The following PRKAR1B variants were observed in gnomAD, a reference collection of about 807,000 sequenced individuals.
PRKAR1B encodes the protein protein kinase cAMP-dependent type I regulatory subunit beta, also known as cAMP-dependent protein kinase type I-beta regulatory subunit.
PRKAR1B carries 22 observed loss-of-function variants against 46.5 expected under a neutral mutation model. The ratio of observed to expected loss-of-function variants is 0.47; its 90% CI spans 0.34 to 0.68. The LOEUF is 0.68. Ranked by LOEUF, PRKAR1B falls within the 30% of genes least tolerant of loss-of-function variation. The probability of loss-of-function intolerance (pLI) is 0.01; values close to 1 mark genes in which losing one functional copy is unlikely to be tolerated. For synonymous variants in PRKAR1B, 259 were observed against 217.7 expected, an observed-to-expected ratio of 1.19 and a Z score of -1.67; for missense variants, 445 against 535.6, an observed-to-expected ratio of 0.83 and a Z score of 1.67.
chr7:583,788 A>C (rs574415553), intron 8 of PRKAR1B, among the ~76,000 whole-genome samples: 1 of 141,156 alleles, frequency 7.1e-6, no homozygotes, highest in South Asian at 2.2e-4. Context: ...GTGTACACCC[A>C]TGTGCACTCA....
intron 4 of PRKAR1B, among the ~76,000 whole-genome samples, chr7:670,608 G>A (rs1228484765): frequency 6.6e-6 from 1 of 151,016 alleles, no homozygotes; most frequent in East Asian, 2.0e-4. Context: ...GCATCCAGCA[G>A]AGGGGCTCAG....
At chr7:580,044 C>A (rs1780081881) in intron 8 of PRKAR1B, among the ~76,000 whole-genome samples, 1 of 152,096 alleles carries the variant, frequency 6.6e-6, no homozygotes, top group Non-Finnish European at 1.5e-5. Flanking sequence ...CCAGCCTGGG[C>A]AACACAGTGA....
At chr7:635,410 G>C (rs1179624179) in intron 4 of PRKAR1B, among the ~76,000 whole-genome samples, 2 of 152,202 alleles carry the variant, frequency 1.3e-5, no homozygotes, top group East Asian at 3.8e-4. Flanking sequence ...GCAGGCCTGG[G>C]CCACAGAGCC....
intron 8 of PRKAR1B, among the ~76,000 whole-genome samples, chr7:584,164 G>C (rs1400137315): frequency 2.0e-5 from 3 of 151,924 alleles, no homozygotes; most frequent in Non-Finnish European, 4.4e-5. Flanking sequence ...GCCAACACTG[G>C]CTTTCAGCTC....
chr7:715,966 T>C (rs6950555), intron 1 of PRKAR1B, among the ~76,000 whole-genome samples: 3,748 of 151,734 alleles, frequency 0.025, 62 homozygotes, highest in Middle Eastern at 0.038. Context: ...CCGCCCGCCT[T>C]GGCCTCCCAA....
At chr7:563,445 G>A (rs965740141) in intron 9 of PRKAR1B, among the ~76,000 whole-genome samples, 10 of 152,264 alleles carry the variant, frequency 6.6e-5, no homozygotes, top group African/African-American at 2.4e-4. Context: ...GCGTCCAACA[G>A]CCCCCCGGCT....
chr7:681,864 T>G (rs1778703738), intron 2 of PRKAR1B, among the ~76,000 whole-genome samples: 1 of 152,184 alleles, frequency 6.6e-6, no homozygotes, highest in Admixed American at 6.5e-5. Context: ...CTCCTGCACC[T>G]GGAGGACCTG....
chr7:718,487 G>A (rs906597475), intron 1 of PRKAR1B, among the ~76,000 whole-genome samples: 5 of 151,510 alleles, frequency 3.3e-5, no homozygotes, highest in Non-Finnish European at 1.5e-5. Context: ...CTCCCAAGTA[G>A]CTGGGATTAC....
intron 4 of PRKAR1B, among the ~76,000 whole-genome samples, chr7:622,110 G>T (rs1015631214): frequency 5.9e-5 from 9 of 152,250 alleles, no homozygotes; most frequent in African/African-American, 1.9e-4. Flanking sequence ...GGCCTGACAG[G>T]TAAACACCTC....
chr7:689,298 T>G (rs1271279194), intron 2 of PRKAR1B, among the ~76,000 whole-genome samples: 1 of 151,750 alleles, frequency 6.6e-6, no homozygotes, highest in Non-Finnish European at 1.5e-5. Flanking sequence ...ATTTTTTGTA[T>G]TTTTAGTAGA....
At chr7:719,335 C>A (rs917530106) in intron 1 of PRKAR1B, among the ~76,000 whole-genome samples, 1 of 152,040 alleles carries the variant, frequency 6.6e-6, no homozygotes, top group Non-Finnish European at 1.5e-5. Flanking sequence ...CCATTGTGCC[C>A]GGCCATAATT....
chr7:669,893 T>C (rs1583392477), intron 4 of PRKAR1B, among the ~76,000 whole-genome samples: 1 of 129,352 alleles, frequency 7.7e-6, no homozygotes, highest in African/African-American at 3.1e-5. Flanking sequence ...TGAGACGGAG[T>C]CTTGCTCTGT....
intron 1 of PRKAR1B, among the ~76,000 whole-genome samples, chr7:724,717 G>A (rs913583018): frequency 3.9e-5 from 6 of 152,244 alleles, no homozygotes; most frequent in East Asian, 1.9e-4. Flanking sequence ...GGACCACCAC[G>A]GTTAAACACA....
intron 4 of PRKAR1B, among the ~76,000 whole-genome samples, chr7:616,970 C>G (rs530914346): frequency 6.8e-6 from 1 of 147,238 alleles, no homozygotes; most frequent in Admixed American, 6.8e-5. Flanking sequence ...ATTTTAAAAT[C>G]TAAACCCCAA....
In PRKAR1B at chr7:667,093, T is replaced by C. The variant is rs1007887925; in HGVS notation, c.440+10136A>G. ...GTGATGGTGGGGATGGTGATGATGA[T>C]GGTGGTGATAACGATGATGATGGCA... On this transcript the variant is annotated intron_variant, in intron 4 of 10. Coordinates refer to ENST00000537384, the MANE Select transcript of PRKAR1B (RefSeq NM_001164760.2). This position sits in a 1 kb window ranked among gnomAD's most constrained non-coding sequence, Gnocchi z 4.3. Among the ~76,000 whole-genome samples the C allele has an allele frequency of 3.3e-5, 5 of 151,894 alleles. No homozygotes were observed. Among genetic ancestry groups the C allele is most frequent in the African/African-American group, 4.8e-5 (2 of 41,276 alleles).
intron 3 of PRKAR1B, among the ~76,000 whole-genome samples, chr7:679,316 G>A (rs945455025): frequency 2.0e-5 from 3 of 152,140 alleles, no homozygotes; most frequent in Admixed American, 6.5e-5. Context: ...CCAGGACCCC[G>A]TCCTGTCTCC....
intron 4 of PRKAR1B, among the ~76,000 whole-genome samples, chr7:668,600 CCT>C (rs1244922092): frequency 3.3e-5 from 5 of 152,182 alleles, no homozygotes; most frequent in East Asian, 3.8e-4. Flanking sequence ...CCATCTGCTT[CCT>C]CTGTTTCTTG....
intron 4 of PRKAR1B, among the ~76,000 whole-genome samples, chr7:675,962 A>G (rs999209066): frequency 1.4e-4 from 22 of 152,140 alleles, no homozygotes; most frequent in African/African-American, 5.3e-4. Flanking sequence ...TAATAATAAT[A>G]GAGATTTAAA....
rs76721851 is a variant in PRKAR1B, at chr7:723,508, G to A, written c.-23+3702C>T. 6.5e-3 allele frequency among the ~76,000 whole-genome samples: 991 copies of A among 152,258 alleles called. 24 individuals carry two copies. The East Asian group carries it at 0.11, about 17-fold the overall frequency. On this transcript the variant is annotated intron_variant, in intron 1 of 10. Transcript: ENST00000537384. ...TGTCAACTCTCAAGCTCCTTTCCTCGTCGCCTGCTATGTGCAGGGTATTTT... is the reference window on the plus strand; with the variant it reads ...TGTCAACTCTCAAGCTCCTTTCCTCATCGCCTGCTATGTGCAGGGTATTTT...
Sources: gnomAD v4.1 joint callset for allele counts (sites outside exome capture counted in the v4.1 genomes callset) on GRCh38, gnomAD v4.1.1 for gene constraint, Gnocchi (gnomAD v3.1) non-coding constraint, MANE v1.5 for transcripts, NCBI Gene and HGNC (gene_info 2026-07-23, HGNC 2026-07-21) for gene names.